Variants in NREP observed in about 807,000 individuals in gnomAD.
NREP encodes neuronal regeneration-related protein.
A neutral mutation model predicts 8.6 loss-of-function variants in NREP; 5 were observed. The observed-to-expected ratio is 0.58, with a 90% confidence interval of 0.30 to 1.22. The LOEUF is 1.22. Ranked by LOEUF, NREP falls within the 50% of genes most tolerant of loss-of-function variation. The pLI is 0.07. For synonymous variants in NREP, 27 were observed against 28.0 expected (o/e 0.96, Z 0.11); for missense variants, 86 against 82.5 (o/e 1.04, Z -0.17).
At chr5:111,925,655 G>A (rs1301745036) in intron 2 of NREP, among the ~76,000 whole-genome samples, 4 of 152,172 alleles carry the variant, frequency 2.6e-5, no homozygotes, top group South Asian at 2.1e-4. Flanking sequence ...AGACAGGGAA[G>A]TATGTTTTAT....
At chr5:111,834,658 C>T (rs1312086412) in intron 2 of NREP, among the ~76,000 whole-genome samples, 1 of 152,068 alleles carries the variant, frequency 6.6e-6, no homozygotes, top group Non-Finnish European at 1.5e-5. Flanking sequence ...TATTATGAAA[C>T]TTGAGTTGAA....
intron 2 of NREP, among the ~76,000 whole-genome samples, chr5:111,775,721 A>G (rs1461689307): frequency 1.3e-5 from 2 of 152,180 alleles, no homozygotes; most frequent in Non-Finnish European, 2.9e-5. Context: ...TTTGATGCGA[A>G]GAAAATATTC....
chr5:111,873,751 A>G (rs561553192), intron 2 of NREP, among the ~76,000 whole-genome samples: 60 of 152,326 alleles, frequency 3.9e-4, no homozygotes, highest in African/African-American at 1.3e-3. Context: ...TAACTTCTGC[A>G]AATCCTTTTT....
chr5:111,872,800 C>G (rs137927208), intron 2 of NREP, among the ~76,000 whole-genome samples: 1 of 152,256 alleles, frequency 6.6e-6, no homozygotes, highest in Non-Finnish European at 1.5e-5. Context: ...TCACTTGTAT[C>G]TTGACAGCAA....
chr5:111,806,018 A>G (rs1279425653), intron 2 of NREP, among the ~76,000 whole-genome samples: 1 of 152,208 alleles, frequency 6.6e-6, no homozygotes, highest in African/African-American at 2.4e-5. Flanking sequence ...CACACTAAAA[A>G]TATAATTTTT....
intron 2 of NREP, among the ~76,000 whole-genome samples, chr5:111,861,070 A>T (rs1052463930): frequency 2.0e-4 from 30 of 152,184 alleles, no homozygotes; most frequent in Admixed American, 1.8e-3. Flanking sequence ...TAGATGGGAA[A>T]GAAATAGTAG....
chr5:111,976,765 A>G (rs1305704448), exon 1 of NREP: 3 of 1,549,606 alleles, frequency 1.9e-6, no homozygotes, highest in Non-Finnish European at 1.7e-6. Context: ...GCTTGAGGAT[A>G]AAGTTCAGTC....
upstream of NREP, among the ~76,000 whole-genome samples, chr5:111,758,888 C>G (rs1014622503): frequency 1.6e-4 from 25 of 152,208 alleles, 1 homozygote; most frequent in Admixed American, 1.4e-3. Flanking sequence ...ATTGCCACAA[C>G]AAATGCCTGT....
chr5:111,873,580 C>T (rs150788699), intron 2 of NREP, among the ~76,000 whole-genome samples: 72 of 152,296 alleles, frequency 4.7e-4, no homozygotes, highest in African/African-American at 1.6e-3. Context: ...CCCCTTCCTC[C>T]ATCTTCAAAG....
At chr5:111,896,894 A>C (rs892535075) in intron 2 of NREP, among the ~76,000 whole-genome samples, 7 of 152,184 alleles carry the variant, frequency 4.6e-5, no homozygotes, top group Non-Finnish European at 8.8e-5. Context: ...AATATGATTT[A>C]TTATCCTTAG....
chr5:111,821,701 G>T (rs4957983), intron 2 of NREP, among the ~76,000 whole-genome samples: 149,295 of 152,252 alleles, frequency 0.98, 73,264 homozygotes, highest in East Asian at 1. Flanking sequence ...GATGTGTGTT[G>T]AGTTTCATGT....
chr5:111,890,337 C>T (rs920039582), intron 2 of NREP, among the ~76,000 whole-genome samples: 1 of 152,224 alleles, frequency 6.6e-6, no homozygotes, highest in Non-Finnish European at 1.5e-5. Context: ...TCAGCCCTTG[C>T]AGCTACTCTC....
chr5:111,936,518 C>T (rs1755687602), intron 2 of NREP, among the ~76,000 whole-genome samples: 1 of 152,030 alleles, frequency 6.6e-6, no homozygotes, highest in Non-Finnish European at 1.5e-5. Flanking sequence ...TAAAAATGGA[C>T]TAATACAGGG....
intron 2 of NREP, among the ~76,000 whole-genome samples, chr5:111,847,945 T>C (rs1193290385): frequency 1.3e-5 from 2 of 152,170 alleles, no homozygotes; most frequent in Admixed American, 6.5e-5. Context: ...TTTGGTGTAG[T>C]TATTTCAACA....
At chr5:111,765,590 C>A (rs1039935289) in intron 2 of NREP, among the ~76,000 whole-genome samples, 2 of 152,238 alleles carry the variant, frequency 1.3e-5, no homozygotes, top group South Asian at 4.1e-4. Context: ...TTACTTAACA[C>A]AGTGTAAGCC....
chr5:111,758,155 G>C (rs551033887), upstream of NREP: 1 of 985,468 alleles, frequency 1.0e-6, no homozygotes, highest in Non-Finnish European at 1.2e-6. Context: ...ACTCCCTTCC[G>C]CGGGGAAGCC....
chr5:111,931,771 G>C (rs1755543846), intron 2 of NREP, among the ~76,000 whole-genome samples: 1 of 152,090 alleles, frequency 6.6e-6, no homozygotes, highest in Non-Finnish European at 1.5e-5. Flanking sequence ...TAAAACCAGA[G>C]AATTACAGGT....
intron 2 of NREP, among the ~76,000 whole-genome samples, chr5:111,879,127 C>A (rs919483965): frequency 2.0e-5 from 3 of 152,156 alleles, no homozygotes; most frequent in African/African-American, 7.2e-5. Flanking sequence ...TGGCAACTGC[C>A]CCTGCTCCCA....
intron 2 of NREP, among the ~76,000 whole-genome samples, chr5:111,931,940 A>G (rs1443926551): frequency 6.6e-6 from 1 of 152,058 alleles, no homozygotes; most frequent in Non-Finnish European, 1.5e-5. Flanking sequence ...GGCTGAAATC[A>G]CTCTGGTTAT....
Sources: allele counts gnomAD v4.1 joint callset (sites outside exome capture counted in the v4.1 genomes callset), GRCh38; gene constraint gnomAD v4.1.1; transcripts MANE v1.5; gene names NCBI Gene and HGNC (gene_info 2026-07-23, HGNC 2026-07-21).